The following SPAG16 variants were observed in gnomAD, a reference collection of about 807,000 sequenced individuals.
The protein encoded by SPAG16 is sperm-associated antigen 16 protein.
In SPAG16, 86 loss-of-function variants were observed where a neutral mutation model predicts 80.4. That is an observed-to-expected ratio of 1.07 (90% CI 0.90 to 1.28). The LOEUF (loss-of-function observed/expected upper bound fraction) is 1.28, where lower values mean the gene tolerates loss of function less well. Among genes scored for constraint, SPAG16 ranks in the 50% most tolerant of loss-of-function variants. SPAG16 has a pLI of 0.00. For synonymous variants in SPAG16, 294 were observed against 265.9 expected, an observed-to-expected ratio of 1.11 and a Z score of -1.03; for missense variants, 870 against 765.3, an observed-to-expected ratio of 1.14 and a Z score of -1.61.
At chr2:213,798,540 G>T (rs954217498) in intron 10 of SPAG16, among the ~76,000 whole-genome samples, 3 of 152,072 alleles carry the variant, frequency 2.0e-5, no homozygotes, top group Non-Finnish European at 4.4e-5. Flanking sequence ...ACAGATGTGA[G>T]CCACTGCACC....
intron 10 of SPAG16, among the ~76,000 whole-genome samples, chr2:213,701,076 C>G (rs1302504276): frequency 1.3e-5 from 2 of 152,020 alleles, no homozygotes; most frequent in African/African-American, 4.8e-5. Context: ...CCCATCTCTA[C>G]TAAAAATACA....
intron 5 of SPAG16, among the ~76,000 whole-genome samples, chr2:213,328,758 T>A (rs2063949835): frequency 1.3e-5 from 2 of 152,044 alleles, no homozygotes; most frequent in South Asian, 4.2e-4. Flanking sequence ...ACCTCAGGAG[T>A]AGGATACTTC....
chr2:214,021,341 G>T (rs1039239522), intron 13 of SPAG16, among the ~76,000 whole-genome samples: 1 of 152,182 alleles, frequency 6.6e-6, no homozygotes, highest in African/African-American at 2.4e-5. Flanking sequence ...AAAGAATGAA[G>T]TTTATTGGAC....
chr2:214,179,701 A>G (rs921219754), intron 15 of SPAG16, among the ~76,000 whole-genome samples: 3 of 151,496 alleles, frequency 2.0e-5, no homozygotes, highest in African/African-American at 4.8e-5. Flanking sequence ...GTATGGCTAC[A>G]GGAGGCTTTC....
chr2:214,167,808 C>CT (rs945441257), intron 15 of SPAG16, among the ~76,000 whole-genome samples: 86 of 144,606 alleles, frequency 5.9e-4, no homozygotes, highest in Middle Eastern at 3.5e-3. Context: ...TAATTATATA[C>CT]TTTTTTTTTT....
At chr2:213,306,025 G>A (rs948838856) in intron 3 of SPAG16, among the ~76,000 whole-genome samples, 2 of 151,962 alleles carry the variant, frequency 1.3e-5, no homozygotes, top group African/African-American at 4.8e-5. Flanking sequence ...TCTTGTTATT[G>A]GTCTGTTTGG....
chr2:214,356,106 G>A (rs1215474757), intron 15 of SPAG16, among the ~76,000 whole-genome samples: 6 of 151,296 alleles, frequency 4.0e-5, no homozygotes, highest in African/African-American at 1.5e-4. Flanking sequence ...GAGTTAATGA[G>A]TGCAGCACAC....
chr2:214,328,147 G>T (rs1362125898), intron 15 of SPAG16, among the ~76,000 whole-genome samples: 1 of 150,966 alleles, frequency 6.6e-6, no homozygotes, highest in Non-Finnish European at 1.5e-5. Context: ...ACAATGTTTA[G>T]CAGTCTTTTT....
At chr2:213,626,783 G>A (rs2061977436) in intron 10 of SPAG16, among the ~76,000 whole-genome samples, 1 of 151,258 alleles carries the variant, frequency 6.6e-6, no homozygotes. Flanking sequence ...GAGTAGCTGT[G>A]ACTACAGGTG....
intron 12 of SPAG16, among the ~76,000 whole-genome samples, chr2:213,949,748 G>T (rs1265665664): frequency 6.6e-6 from 1 of 152,116 alleles, no homozygotes; most frequent in Non-Finnish European, 1.5e-5. Flanking sequence ...GCACATTTTA[G>T]TCTGACAAAA....
At chr2:213,607,013 G>C (rs2061286146) in intron 10 of SPAG16, among the ~76,000 whole-genome samples, 1 of 152,192 alleles carries the variant, frequency 6.6e-6, no homozygotes, top group South Asian at 2.1e-4. Context: ...ATCAGCTGGA[G>C]AAGTTTATAT....
intron 8 of SPAG16, among the ~76,000 whole-genome samples, chr2:213,366,622 T>A (rs2066305113): frequency 6.6e-6 from 1 of 152,004 alleles, no homozygotes; most frequent in African/African-American, 2.4e-5. Context: ...AAAACCCGCC[T>A]CCATGATTCA....
chr2:214,318,155 C>CT (rs1319748887), intron 15 of SPAG16, among the ~76,000 whole-genome samples: 1 of 152,166 alleles, frequency 6.6e-6, no homozygotes, highest in Non-Finnish European at 1.5e-5. Flanking sequence ...CTGGAAGCGT[C>CT]TGTTGCATGC....
At chr2:214,317,220 A>G (rs1288774920) in intron 15 of SPAG16, among the ~76,000 whole-genome samples, 3 of 152,174 alleles carry the variant, frequency 2.0e-5, no homozygotes, top group Non-Finnish European at 4.4e-5. Context: ...GACCAAGGTC[A>G]CACAGAGACT....
At chr2:213,668,752 G>A (rs369380958) in intron 10 of SPAG16, among the ~76,000 whole-genome samples, 9 of 152,064 alleles carry the variant, frequency 5.9e-5, no homozygotes, top group South Asian at 2.1e-4. Context: ...GGGTTCAAGC[G>A]ATTCTCCTGC....
In SPAG16 at chr2:214,014,097, T is replaced by C; in HGVS notation, c.1527+20T>C. ...AGAACAGTAAGCAAATCATTCACTT[T>C]TTTTCCCAGCTTTTGATAAGTCTGA... On this transcript the variant is annotated intron_variant, in intron 13 of 15. Coordinates refer to ENST00000331683, the MANE Select transcript of SPAG16 (RefSeq NM_024532.5). The C allele has an allele frequency of 1.2e-6, 2 of 1,610,558 alleles. No homozygotes were observed. The highest frequency in any genetic ancestry group is 1.7e-6 in the Non-Finnish European group (2 of 1,178,794).
At chr2:214,351,537 T>A (rs1218797160) in intron 15 of SPAG16, among the ~76,000 whole-genome samples, 1 of 151,154 alleles carries the variant, frequency 6.6e-6, no homozygotes, top group Non-Finnish European at 1.5e-5. Flanking sequence ...CCGTTTCTAC[T>A]AAAAAAATAC....
chr2:213,976,196 A>T (rs893347563), intron 12 of SPAG16, among the ~76,000 whole-genome samples: 2 of 149,856 alleles, frequency 1.3e-5, no homozygotes, highest in Non-Finnish European at 3.0e-5. Flanking sequence ...GCGTATGTGT[A>T]TATATACACA....
At chr2:213,899,090 G>C (rs1036912018) in intron 11 of SPAG16, among the ~76,000 whole-genome samples, 2 of 152,050 alleles carry the variant, frequency 1.3e-5, no homozygotes, top group African/African-American at 4.8e-5. Context: ...GATTAGAATA[G>C]AATAATGGAA....
Sources: gnomAD v4.1 joint callset for allele counts (sites outside exome capture counted in the v4.1 genomes callset) on GRCh38, gnomAD v4.1.1 for gene constraint, MANE v1.5 for transcripts, NCBI Gene and HGNC (gene_info 2026-07-23, HGNC 2026-07-21) for gene names.